RHBDD1: variants seen among roughly 807,000 people sequenced by gnomAD.
RHBDD1 encodes the protein rhomboid domain containing 1, also known as rhomboid-related protein 4.
Under a neutral mutation model 36.3 loss-of-function variants are expected in RHBDD1, and 38 were observed. That is an observed-to-expected ratio of 1.05 (90% CI 0.81 to 1.37). RHBDD1 has a LOEUF of 1.37. RHBDD1 is among the 40% of genes most tolerant of loss of function. RHBDD1 has a pLI of 0.00. For missense variants in RHBDD1, 393 were observed against 377.6 expected, an observed-to-expected ratio of 1.04 and a Z score of -0.34; for synonymous variants, 151 against 136.5, an observed-to-expected ratio of 1.11 and a Z score of -0.74.
intron 8 of RHBDD1, among the ~76,000 whole-genome samples, chr2:226,944,392 C>G (rs1432983253): frequency 1.3e-5 from 2 of 152,108 alleles, no homozygotes; most frequent in African/African-American, 2.4e-5. Flanking sequence ...GTCTCTTAGA[C>G]CTTGCCACCA....
chr2:226,950,626 C>G (rs1951351330), intron 8 of RHBDD1, among the ~76,000 whole-genome samples: 1 of 152,084 alleles, frequency 6.6e-6, no homozygotes, highest in African/African-American at 2.4e-5. Flanking sequence ...TCCCCTTTCT[C>G]CACATCCTCT....
intron 8 of RHBDD1, among the ~76,000 whole-genome samples, chr2:226,992,929 G>A (rs1958587408): frequency 6.6e-6 from 1 of 152,142 alleles, no homozygotes; most frequent in African/African-American, 2.4e-5. Context: ...GATTCTATTG[G>A]GAGTGAAAGC....
chr2:226,868,927 T>G (rs925512274), intron 5 of RHBDD1, among the ~76,000 whole-genome samples: 1 of 152,212 alleles, frequency 6.6e-6, no homozygotes, highest in Non-Finnish European at 1.5e-5. Flanking sequence ...TCTCTATACC[T>G]TGTCACTCAC....
chr2:226,993,435 TA>T (rs1324680274), intron 8 of RHBDD1, among the ~76,000 whole-genome samples: 1 of 152,214 alleles, frequency 6.6e-6, no homozygotes, highest in African/African-American at 2.4e-5. Context: ...CCAGTCTTTT[TA>T]AAAACAACTG....
chr2:226,978,554 C>T (rs1039447024), intron 8 of RHBDD1, among the ~76,000 whole-genome samples: 2 of 152,194 alleles, frequency 1.3e-5, no homozygotes, highest in Non-Finnish European at 2.9e-5. Context: ...ATATTTAGCA[C>T]TCTACACCTC....
At chr2:226,947,868 T>A (rs2149198965) in intron 8 of RHBDD1, among the ~76,000 whole-genome samples, 1 of 152,278 alleles carries the variant, frequency 6.6e-6, no homozygotes, top group Non-Finnish European at 1.5e-5. Context: ...CACTATGAGA[T>A]ACCATCTCAC....
chr2:226,912,028 A>G (rs1043157580), intron 7 of RHBDD1, among the ~76,000 whole-genome samples: 19 of 152,148 alleles, frequency 1.2e-4, no homozygotes, highest in Non-Finnish European at 2.5e-4. Flanking sequence ...AAGTTAGAAG[A>G]GTTTTTTCAC....
At chr2:226,893,506 C>T (rs899271423) in intron 5 of RHBDD1, among the ~76,000 whole-genome samples, 5 of 152,078 alleles carry the variant, frequency 3.3e-5, no homozygotes, top group African/African-American at 4.8e-5. Context: ...ACTTTTATTG[C>T]GTATCAGTTC....
At chr2:226,988,536 C>T (rs1957505611) in intron 8 of RHBDD1, 2 of 1,454,190 alleles carry the variant, frequency 1.4e-6, no homozygotes, top group East Asian at 5.2e-5. Context: ...CGCACTGTGC[C>T]AGGCTGGCCC....
intron 8 of RHBDD1, among the ~76,000 whole-genome samples, chr2:226,977,750 G>T (rs1208236645): frequency 6.6e-6 from 1 of 152,210 alleles, no homozygotes; most frequent in African/African-American, 2.4e-5. Context: ...GCTAATTGAA[G>T]AAATCTTTTG....
At position 226,996,794 on chromosome 2, in the gene RHBDD1, G is replaced by A. The variant is rs781520581; in HGVS notation, c.*1272G>A. The A allele has an allele frequency of 5.9e-5, 9 of 152,148 alleles. No individual in the cohort carries two copies. The highest frequency in any genetic ancestry group is 1.3e-4 in the Non-Finnish European group (9 of 68,028). 9.4% of individuals were successfully genotyped at this position (152,148 alleles called of 1,614,324 possible). A position where few individuals can be genotyped will look rare whatever the true frequency, so the allele number is the denominator to read the frequency against. ...TTGGAAGATGTGTTTATGTGTGTGT[G>A]TTACTTTTACAATCAGGAAAACATA... On this transcript the variant is annotated 3_prime_UTR_variant, in exon 9 of 9. Coordinates refer to ENST00000392062, the MANE Select transcript of RHBDD1 (RefSeq NM_001167608.3).
chr2:226,818,358 G>A, the RHBDD1 span, among the ~76,000 whole-genome samples: 1 of 149,872 alleles, frequency 6.7e-6, no homozygotes, highest in African/African-American at 2.4e-5. Context: ...AGTAGAGATG[G>A]GGTTTCACTG....
chr2:226,867,119 T>C lies in RHBDD1; in HGVS notation c.434-67T>C, dbSNP rs563271055. The C allele has an allele frequency of 5.5e-5, 79 of 1,430,110 alleles. No homozygotes were observed. The East Asian group carries it at 1.8e-3, about 33-fold the overall frequency. The allele number at this position is 1,430,110 out of a possible 1,614,324, so 88.6% of individuals were successfully genotyped here. ...AATCATTTTCACTTTTAATTAACTTTCTTTGTAAATGTTGATACTCCTACT... is the reference window on the plus strand; with the variant it reads ...AATCATTTTCACTTTTAATTAACTTCCTTTGTAAATGTTGATACTCCTACT... On this transcript the variant is annotated intron_variant, in intron 4 of 8. Coordinates refer to ENST00000392062, the MANE Select transcript of RHBDD1 (RefSeq NM_001167608.3).
intron 5 of RHBDD1, among the ~76,000 whole-genome samples, chr2:226,904,524 G>C (rs905599628): frequency 1.2e-4 from 18 of 152,078 alleles, no homozygotes; most frequent in Admixed American, 9.8e-4. Flanking sequence ...GTCTGTGTGT[G>C]TGTGCACGCG....
Position 226,996,161 on chromosome 2 carries a change from A to T in RHBDD1, c.*639A>T, listed in dbSNP as rs996595347. 2.6e-5 allele frequency: 4 copies of T among 152,830 alleles called. No individual in the cohort carries two copies. The highest frequency in any genetic ancestry group is 5.8e-5 in the Non-Finnish European group (4 of 68,548). The allele number at this position is 152,830 out of a possible 1,614,324, so 9.5% of individuals were successfully genotyped here. On this transcript the variant is annotated 3_prime_UTR_variant, in exon 9 of 9. Transcript: ENST00000392062. ...AGTGTAAGAAAGACCTAAGGTGGGG[A>T]AGACTCCTACACACACCATTAGTAT...
the RHBDD1 span, among the ~76,000 whole-genome samples, chr2:226,826,622 G>A: frequency 1.1e-3 from 156 of 148,330 alleles, 1 homozygote; most frequent in African/African-American, 3.8e-3. Flanking sequence ...CTGGGTTCAA[G>A]CAATTCTCCT....
chr2:226,931,950 A>G (rs566504427), intron 8 of RHBDD1, among the ~76,000 whole-genome samples: 6 of 152,096 alleles, frequency 3.9e-5, no homozygotes, highest in Non-Finnish European at 7.4e-5. Context: ...GAGTTTTTCA[A>G]TCCATGAATA....
intron 8 of RHBDD1, among the ~76,000 whole-genome samples, chr2:226,930,895 A>T (rs1189349751): frequency 6.6e-6 from 1 of 152,118 alleles, no homozygotes; most frequent in Non-Finnish European, 1.5e-5. Context: ...AATGCTTAAC[A>T]TCACTAATCA....
chr2:226,929,333 G>T (rs1412423576), intron 8 of RHBDD1, among the ~76,000 whole-genome samples: 2 of 151,908 alleles, frequency 1.3e-5, no homozygotes. Flanking sequence ...CAGGGTAGCA[G>T]GAATGGTTCA....
Sources: gnomAD v4.1 joint callset for allele counts (sites outside exome capture counted in the v4.1 genomes callset) on GRCh38, gnomAD v4.1.1 for gene constraint, MANE v1.5 for transcripts, NCBI Gene and HGNC (gene_info 2026-07-23, HGNC 2026-07-21) for gene names.